RNF180: variants seen among roughly 807,000 people sequenced by gnomAD.
RNF180 encodes the protein E3 ubiquitin-protein ligase RNF180.
RNF180 carries 38 observed loss-of-function variants against 59.2 expected under a neutral mutation model. The ratio of observed to expected loss-of-function variants is 0.64; its 90% confidence interval spans 0.50 to 0.84. The LOEUF (loss-of-function observed/expected upper bound fraction) is 0.84. Among genes scored for constraint, RNF180 ranks in the 40% least tolerant of loss-of-function variants. The pLI is 0.00. For missense variants in RNF180, 705 were observed against 700.9 expected (o/e 1.01, Z -0.07); for synonymous variants, 262 against 240.3 (o/e 1.09, Z -0.84).
At chr5:64,240,892 G>A (rs1236639298) in intron 5 of RNF180, among the ~76,000 whole-genome samples, 1 of 152,114 alleles carries the variant, frequency 6.6e-6, no homozygotes, top group African/African-American at 2.4e-5. Context: ...TCTACTTAGT[G>A]TGGTTTTTCT....
chr5:64,354,367 A>G (rs933812920), intron 7 of RNF180, among the ~76,000 whole-genome samples: 2 of 151,872 alleles, frequency 1.3e-5, no homozygotes, highest in African/African-American at 2.4e-5. Flanking sequence ...GCACAAATTT[A>G]TAAAAACATA....
intron 5 of RNF180, among the ~76,000 whole-genome samples, chr5:64,248,434 G>T (rs370051616): frequency 6.6e-6 from 1 of 152,106 alleles, no homozygotes; most frequent in East Asian, 1.9e-4. Context: ...TCATCAAAAA[G>T]CAGGCAAAGG....
chr5:64,303,821 A>C (rs929550189), intron 5 of RNF180, among the ~76,000 whole-genome samples: 3 of 151,634 alleles, frequency 2.0e-5, no homozygotes, highest in Non-Finnish European at 3.0e-5. Context: ...CTAACTAAAC[A>C]ACACATTTTC....
intron 1 of RNF180, among the ~76,000 whole-genome samples, chr5:64,168,349 G>C (rs1749757674): frequency 6.6e-6 from 1 of 152,104 alleles, no homozygotes; most frequent in African/African-American, 2.4e-5. Context: ...AGTTTTAAAA[G>C]GGCAGTTTAA....
intron 5 of RNF180, among the ~76,000 whole-genome samples, chr5:64,235,148 T>G (rs1742357499): frequency 6.6e-6 from 1 of 152,074 alleles, no homozygotes; most frequent in East Asian, 1.9e-4. Context: ...GCTGGGCATG[T>G]TGGCCTGCAC....
intron 1 of RNF180, among the ~76,000 whole-genome samples, chr5:64,191,438 A>G (rs1406604345): frequency 2.0e-5 from 3 of 152,158 alleles, no homozygotes; most frequent in Non-Finnish European, 4.4e-5. Flanking sequence ...ATTCTCCTGC[A>G]TTTCACCTAT....
intron 7 of RNF180, among the ~76,000 whole-genome samples, chr5:64,366,754 A>C (rs1267557427): frequency 2.6e-5 from 4 of 151,646 alleles, no homozygotes; most frequent in Admixed American, 6.6e-5. Context: ...AAGTGATCAA[A>C]TATTCAAATT....
At chr5:64,307,743 A>G (rs1442021758) in intron 5 of RNF180, among the ~76,000 whole-genome samples, 2 of 151,810 alleles carry the variant, frequency 1.3e-5, no homozygotes, top group Non-Finnish European at 2.9e-5. Flanking sequence ...TTTATAATAA[A>G]GTGTTGACAA....
At chr5:64,170,851 G>A (rs1346199654) in intron 1 of RNF180, among the ~76,000 whole-genome samples, 2 of 152,172 alleles carry the variant, frequency 1.3e-5, no homozygotes, top group Non-Finnish European at 2.9e-5. Flanking sequence ...TTTCCAGTGG[G>A]ATTCAAGAGC....
At chr5:64,181,986 C>CTTTTTTT (rs1190089130) in intron 1 of RNF180, among the ~76,000 whole-genome samples, 2 of 94,622 alleles carry the variant, frequency 2.1e-5, no homozygotes, top group South Asian at 4.0e-4. Flanking sequence ...CTGCTACTGT[C>CTTTTTTT]TTTTTTTTTT....
chr5:64,206,983 G>T lies in RNF180; in HGVS notation c.136-5082G>T, dbSNP rs537223442. Among the ~76,000 whole-genome samples, 83 of 152,126 alleles carry T rather than the reference G, an allele frequency of 5.5e-4. No homozygotes were observed. In the South Asian group the frequency reaches 8.5e-3, roughly 16 times the overall value. ...TCCCAAGCAGACTAAGACCACACAC[G>T]TCCTGTAATAGGAACTGGAAACTCA... is the stretch of plus-strand genomic sequence containing the variant. On this transcript the variant is annotated intron_variant, in intron 2 of 7. Coordinates refer to ENST00000389100, the MANE Select transcript of RNF180 (RefSeq NM_001113561.2).
At chr5:64,228,438 C>T (rs750479260) in intron 5 of RNF180, among the ~76,000 whole-genome samples, 1 of 152,020 alleles carries the variant, frequency 6.6e-6, no homozygotes, top group Non-Finnish European at 1.5e-5. Context: ...CGCTTGAGTC[C>T]GGGAGGTTGA....
chr5:64,276,410 A>G, intron 5 of RNF180, among the ~76,000 whole-genome samples: 1 of 151,060 alleles, frequency 6.6e-6, no homozygotes, highest in East Asian at 1.9e-4. Flanking sequence ...TTTTCTCCAC[A>G]AAGAAACAAA....
At chr5:64,301,701 A>ATGTGTGTGTGTGTGTGTGTGTGTG (rs3069547) in intron 5 of RNF180, among the ~76,000 whole-genome samples, 107 of 148,704 alleles carry the variant, frequency 7.2e-4, no homozygotes, top group African/African-American at 2.5e-3. Flanking sequence ...CCACATCAGA[A>ATGTGTGTGTGTGTGTGTGTGTGTG]TGTGTGTGTG....
At chr5:64,197,759 G>A (rs574725152) in intron 1 of RNF180, among the ~76,000 whole-genome samples, 3 of 152,070 alleles carry the variant, frequency 2.0e-5, no homozygotes, top group Admixed American at 6.6e-5. Context: ...GTACCTTTTC[G>A]TGGCACATTA....
chr5:64,269,736 A>T (rs1744901282), intron 5 of RNF180, among the ~76,000 whole-genome samples: 1 of 152,124 alleles, frequency 6.6e-6, no homozygotes, highest in East Asian at 1.9e-4. Flanking sequence ...CAAACTTCAA[A>T]GTTTATTTTT....
chr5:64,321,409 C>T lies in RNF180; in HGVS notation c.1228-3777C>T, dbSNP rs568098431. 6.6e-5 allele frequency among the ~76,000 whole-genome samples: 10 copies of T among 152,190 alleles called. No homozygotes were observed. In the South Asian group the frequency reaches 2.1e-3, roughly 32 times the overall value. ...CAAACAGCCAAATCATGAATGAACC[C>T]CCATTCACAGTTGGTATAAAGAGAA... On this transcript the variant is annotated intron_variant, in intron 5 of 7. Transcript: ENST00000389100.
chr5:64,316,402 G>A (rs1744045665), intron 5 of RNF180, among the ~76,000 whole-genome samples: 1 of 152,176 alleles, frequency 6.6e-6, no homozygotes, highest in Non-Finnish European at 1.5e-5. Context: ...CCAAGATACT[G>A]CAGAAAGTGA....
intron 5 of RNF180, among the ~76,000 whole-genome samples, chr5:64,284,281 G>A (rs1742165153): frequency 6.6e-6 from 1 of 152,142 alleles, no homozygotes; most frequent in Non-Finnish European, 1.5e-5. Flanking sequence ...CTAGCTGCCT[G>A]TAATATTTTT....
Sources: allele counts gnomAD v4.1 joint callset (sites outside exome capture counted in the v4.1 genomes callset), GRCh38; gene constraint gnomAD v4.1.1; transcripts MANE v1.5; gene names NCBI Gene and HGNC (gene_info 2026-07-23, HGNC 2026-07-21).